Variants in EPB41L3 observed in about 807,000 individuals in gnomAD.
The protein encoded by EPB41L3 is band 4.1-like protein 3.
Under a neutral mutation model 127.1 loss-of-function variants are expected in EPB41L3, and 57 were observed. The ratio of observed to expected loss-of-function variants is 0.45; its 90% CI spans 0.36 to 0.56. The LOEUF (loss-of-function observed/expected upper bound fraction) is 0.56, where lower values mean the gene tolerates loss of function less well. EPB41L3 is among the 20% of genes least tolerant of loss of function. The probability of loss-of-function intolerance (pLI) is 0.00; values close to 1 mark genes in which losing one functional copy is unlikely to be tolerated. For missense variants in EPB41L3, 1,273 were observed against 1,372.2 expected (o/e 0.93, Z 1.14); for synonymous variants, 572 against 549.5 (o/e 1.04, Z -0.57).
intron 3 of EPB41L3, among the ~76,000 whole-genome samples, chr18:5,448,000 G>A (rs902338042): frequency 1.3e-5 from 2 of 152,156 alleles, no homozygotes; most frequent in Admixed American, 1.3e-4. Context: ...ATCATGGGAT[G>A]GAAGCAATGA....
chr18:5,533,315 A>C (rs2093470162), intron 1 of EPB41L3, among the ~76,000 whole-genome samples: 1 of 152,208 alleles, frequency 6.6e-6, no homozygotes, highest in African/African-American at 2.4e-5. Context: ...TCCGGAGTCT[A>C]AGAAACTGAT....
chr18:5,596,279 G>A (rs1453251112), intron 3 of EPB41L3, among the ~76,000 whole-genome samples: 1 of 152,222 alleles, frequency 6.6e-6, no homozygotes, highest in Non-Finnish European at 1.5e-5. Context: ...CTATGCTTCT[G>A]TAGGTCCTGG....
intron 3 of EPB41L3, among the ~76,000 whole-genome samples, chr18:5,566,783 TATTCTATTCCATTCC>T (rs2094210727): frequency 1.3e-5 from 1 of 77,462 alleles, no homozygotes; most frequent in South Asian, 3.6e-4. Flanking sequence ...TATTCTATTC[TATTCTATTCCATTCC>T]ATTCCATTCT....
intron 9 of EPB41L3, among the ~76,000 whole-genome samples, chr18:5,428,025 G>T (rs2078460726): frequency 6.6e-6 from 1 of 152,166 alleles, no homozygotes; most frequent in African/African-American, 2.4e-5. Context: ...AAAGTGCTGG[G>T]ATTATAGGCG....
At chr18:5,435,071 A>C (rs2079562191) in intron 6 of EPB41L3, among the ~76,000 whole-genome samples, 1 of 152,228 alleles carries the variant, frequency 6.6e-6, no homozygotes, top group African/African-American at 2.4e-5. Context: ...AAAAGTAAAA[A>C]CAAATTATAA....
chr18:5,488,616 C>A (rs1329139842), intron 2 of EPB41L3, among the ~76,000 whole-genome samples: 1 of 145,638 alleles, frequency 6.9e-6, no homozygotes, highest in Non-Finnish European at 1.5e-5. Context: ...AAAAGCAGAT[C>A]TGCAATATTA....
intron 3 of EPB41L3, among the ~76,000 whole-genome samples, chr18:5,578,641 C>G (rs1416874731): frequency 6.6e-6 from 1 of 152,102 alleles, no homozygotes; most frequent in East Asian, 1.9e-4. Flanking sequence ...TGCCCATAAG[C>G]ATGAGAAGTG....
chr18:5,399,606 A>G, intron 16 of EPB41L3: 1 of 372,700 alleles, frequency 2.7e-6, no homozygotes, highest in Non-Finnish European at 4.7e-6. Context: ...TAGAGTTGCA[A>G]CTTCTTTAAA....
chr18:5,398,014 T>C lies in EPB41L3; in HGVS notation c.2472+7A>G, dbSNP rs374312303. On this transcript the variant is annotated splice_region_variant and intron_variant, in intron 17 of 22. Coordinates refer to ENST00000341928, the MANE Select transcript of EPB41L3 (RefSeq NM_012307.5). ...CAGAAACACCAAGGACGAAAACAAA[T>C]GGCCACCTGAACCCAGCTTTGAGAA... is the stretch of plus-strand genomic sequence containing the variant. The C allele has an allele frequency of 8.7e-6, 14 of 1,613,860 alleles. No individual in the cohort carries two copies. The highest frequency in any genetic ancestry group is 1.1e-5 in the Non-Finnish European group (13 of 1,179,948).
intron 3 of EPB41L3, among the ~76,000 whole-genome samples, chr18:5,464,801 CAT>C (rs1384338632): frequency 1.3e-5 from 2 of 152,148 alleles, no homozygotes; most frequent in Non-Finnish European, 2.9e-5. Context: ...AATCAGAAGA[CAT>C]AGCAGAACTA....
At chr18:5,605,097 T>C (rs1452630678) in intron 3 of EPB41L3, among the ~76,000 whole-genome samples, 1 of 152,008 alleles carries the variant, frequency 6.6e-6, no homozygotes, top group Non-Finnish European at 1.5e-5. Flanking sequence ...GGGGAAGAAA[T>C]GCTCCAGCCC....
intron 3 of EPB41L3, among the ~76,000 whole-genome samples, chr18:5,465,792 C>A (rs928996134): frequency 3.9e-5 from 6 of 152,122 alleles, no homozygotes; most frequent in African/African-American, 1.4e-4. Context: ...AAAATCAATT[C>A]TTTATGGAGT....
At position 5,616,717 on chromosome 18, in the gene EPB41L3, A is replaced by T. The variant is rs527603598; in HGVS notation, c.-467-2294T>A. 3.9e-5 allele frequency among the ~76,000 whole-genome samples: 6 copies of T among 152,170 alleles called. No individual in the cohort carries two copies. The East Asian group carries it at 1.2e-3, about 29-fold the overall frequency. On this transcript the variant is annotated intron_variant, in intron 1 of 21. Transcript: ENST00000545076. ...TCTAAACAATATTGTTATGTTTTTC[A>T]GTTTCTTAGCCTTATAAAAATGCTA...
At chr18:5,505,199 G>A (rs991711920) in intron 1 of EPB41L3, among the ~76,000 whole-genome samples, 42 of 152,094 alleles carry the variant, frequency 2.8e-4, no homozygotes. Flanking sequence ...ATGTCCAAAA[G>A]TGAACACTTG....
intron 11 of EPB41L3, chr18:5,420,285 A>G (rs967265270): frequency 8.0e-6 from 2 of 249,978 alleles, no homozygotes; most frequent in Non-Finnish European, 1.6e-5. Context: ...CGTAGTGGCC[A>G]ATTCCACACC....
At chr18:5,404,676 A>C (rs1383728702) in intron 16 of EPB41L3, among the ~76,000 whole-genome samples, 1 of 152,196 alleles carries the variant, frequency 6.6e-6, no homozygotes, top group Non-Finnish European at 1.5e-5. Flanking sequence ...TCCCTTGTTT[A>C]TCAGCACCAC....
At chr18:5,600,740 AC>A (rs1470886400) in intron 3 of EPB41L3, among the ~76,000 whole-genome samples, 39 of 152,298 alleles carry the variant, frequency 2.6e-4, no homozygotes, top group African/African-American at 9.1e-4. Flanking sequence ...AATCATTAAA[AC>A]CATTAAAATG....
intron 11 of EPB41L3, chr18:5,420,113 A>T: frequency 1.3e-6 from 1 of 740,846 alleles, no homozygotes; most frequent in Non-Finnish European, 2.1e-6. Context: ...TGTATTTCCT[A>T]TATGAGTGCT....
At chr18:5,505,691 C>T (rs1791386150) in intron 1 of EPB41L3, among the ~76,000 whole-genome samples, 1 of 141,690 alleles carries the variant, frequency 7.1e-6, no homozygotes, top group Admixed American at 6.9e-5. Flanking sequence ...CACTCCTTCA[C>T]CTCCACCCCT....
Sources: gnomAD v4.1 joint callset for allele counts (sites outside exome capture counted in the v4.1 genomes callset) on GRCh38, gnomAD v4.1.1 for gene constraint, MANE v1.5 for transcripts, NCBI Gene and HGNC (gene_info 2026-07-23, HGNC 2026-07-21) for gene names.